MSI2: variants seen among roughly 807,000 people sequenced by gnomAD.
MSI2 encodes RNA-binding protein Musashi homolog 2.
In MSI2, 17 loss-of-function variants were observed where a neutral mutation model predicts 45.6. That is an observed-to-expected ratio of 0.37 (90% CI 0.26 to 0.56). The LOEUF is 0.56. MSI2 is among the 20% of genes least tolerant of loss of function. MSI2 has a pLI of 0.77. For synonymous variants in MSI2, 156 were observed against 158.2 expected (o/e 0.99, Z 0.11); for missense variants, 293 against 444.2 (o/e 0.66, Z 3.06).
rs537164156 is a variant in MSI2, at chr17:57,552,467, T to C, written c.454+22743T>C. Among the ~76,000 whole-genome samples the C allele has an allele frequency of 6.6e-6, 1 of 152,212 alleles. No individual in the cohort carries two copies. Among genetic ancestry groups the C allele is most frequent in the South Asian group, 2.1e-4 (1 of 4,818 alleles). ...GGCACGCTCTAGCCTAGGCCTGAAG[T>C]AGCAGGGCCAGACGCTAGGTGTCGC... On this transcript the variant is annotated intron_variant, in intron 7 of 13. Transcript: ENST00000284073. The surrounding 1 kb of genome is among the most constrained non-coding windows in gnomAD (Gnocchi z 4.3).
intron 5 of MSI2, among the ~76,000 whole-genome samples, chr17:57,380,200 A>C (rs1231529336): frequency 6.6e-6 from 1 of 152,114 alleles, no homozygotes; most frequent in Non-Finnish European, 1.5e-5. Flanking sequence ...GTCTTTGTGG[A>C]GCCACCCACA....
intron 5 of MSI2, among the ~76,000 whole-genome samples, chr17:57,324,166 T>C (rs1406426236): frequency 6.6e-6 from 1 of 152,164 alleles, no homozygotes; most frequent in African/African-American, 2.4e-5. Context: ...ACAATTTTTT[T>C]CCCTCATTTT....
At chr17:57,290,448 A>ACAG (rs1910306535) in intron 5 of MSI2, among the ~76,000 whole-genome samples, 1 of 152,180 alleles carries the variant, frequency 6.6e-6, no homozygotes, top group African/African-American at 2.4e-5. Context: ...TATTGGCACT[A>ACAG]CAGGCACATG....
rs550070769 is a variant in MSI2, at chr17:57,347,128, TG to T, written c.313-54250del. On this transcript the variant is annotated intron_variant, in intron 5 of 13. Transcript: ENST00000284073. Reference sequence around the variant, plus strand: ...AATAGAAAATTTCCCAGCACTCTACTGTAGTGACTTCTTAATTAAGCAGCTA... The same window carrying T: ...AATAGAAAATTTCCCAGCACTCTACTTAGTGACTTCTTAATTAAGCAGCTA... 3.6e-3 allele frequency among the ~76,000 whole-genome samples: 554 copies of T among 152,318 alleles called. 4 individuals carry two copies. Among genetic ancestry groups the T allele is most frequent in the African/African-American group, 0.013 (528 of 41,558 alleles).
At chr17:57,470,408 G>A (rs988086728) in intron 6 of MSI2, among the ~76,000 whole-genome samples, 11 of 152,260 alleles carry the variant, frequency 7.2e-5, no homozygotes, top group African/African-American at 2.4e-4. Context: ...TTCCCAAGTA[G>A]CTGGGACTAC....
intron 6 of MSI2, chr17:57,449,543 G>C (rs2084957490): frequency 6.6e-6 from 1 of 152,054 alleles, no homozygotes; most frequent in Non-Finnish European, 1.5e-5. Context: ...TTTTCCCCAA[G>C]GCTTGATCGT....
intron 5 of MSI2, among the ~76,000 whole-genome samples, chr17:57,367,480 T>C (rs1917277827): frequency 6.6e-6 from 1 of 152,180 alleles, no homozygotes; most frequent in Non-Finnish European, 1.5e-5. Flanking sequence ...GGCTGAGGAT[T>C]CAGGAAGACT....
At chr17:57,674,273 A>AG (rs201099133) in intron 11 of MSI2, among the ~76,000 whole-genome samples, 288 of 2,822 alleles carry the variant, frequency 0.1, 3 homozygotes, top group Non-Finnish European at 0.14. Context: ...GCCAGTGGGG[A>AG]GGGGCGGGTG....
At chr17:57,427,225 T>G (rs2084509280) in intron 6 of MSI2, among the ~76,000 whole-genome samples, 1 of 151,960 alleles carries the variant, frequency 6.6e-6, no homozygotes, top group South Asian at 2.1e-4. Flanking sequence ...GGTGAAACCC[T>G]GTCTCTAATA....
In MSI2 at chr17:57,679,706, G is replaced by A. The variant is rs938191269; in HGVS notation, c.*189G>A. On this transcript the variant is annotated 3_prime_UTR_variant, in exon 14 of 14. Coordinates refer to ENST00000284073, the MANE Select transcript of MSI2 (RefSeq NM_138962.4). ...GGTTGACTACATCTCATCATCTCAC[G>A]AATCTGCTGTAATATAAGACAACAG... The A allele has an allele frequency of 1.4e-5, 9 of 628,634 alleles. No individual in the cohort carries two copies. The highest frequency in any genetic ancestry group is 7.6e-5 in the African/African-American group (4 of 52,612). The allele number at this position is 628,634 out of a possible 1,614,324, so 38.9% of individuals were successfully genotyped here.
chr17:57,447,861 CAG>C (rs1004379431), intron 6 of MSI2, among the ~76,000 whole-genome samples: 3 of 152,162 alleles, frequency 2.0e-5, no homozygotes, highest in Non-Finnish European at 2.9e-5. Context: ...TGAACCATGA[CAG>C]GGGTGGAGAA....
At chr17:57,414,785 G>A (rs1434560434) in intron 6 of MSI2, among the ~76,000 whole-genome samples, 1 of 152,014 alleles carries the variant, frequency 6.6e-6, no homozygotes, top group Non-Finnish European at 1.5e-5. Context: ...TTATTTCCCT[G>A]CATCCTAGGA....
chr17:57,617,090 A>G (rs1907786478), intron 9 of MSI2, among the ~76,000 whole-genome samples: 1 of 152,240 alleles, frequency 6.6e-6, no homozygotes, highest in African/African-American at 2.4e-5. Context: ...TAAATTTATA[A>G]AACATCTTGT....
At chr17:57,678,038 C>T (rs1913356289) in intron 13 of MSI2, among the ~76,000 whole-genome samples, 1 of 152,180 alleles carries the variant, frequency 6.6e-6, no homozygotes, top group Non-Finnish European at 1.5e-5. Flanking sequence ...CACAGAGGCA[C>T]CAAAGCCTTT....
intron 5 of MSI2, chr17:57,278,238 A>G (rs7221821): frequency 0.14 from 21,860 of 152,454 alleles, 1,805 homozygotes; most frequent in African/African-American, 0.22. Context: ...TGAGCTCCAT[A>G]GATTGACATT....
chr17:57,406,878 C>T (rs1285478346), intron 6 of MSI2: 1 of 152,242 alleles, frequency 6.6e-6, no homozygotes, highest in Non-Finnish European at 1.5e-5. Flanking sequence ...CATGTCCCTT[C>T]TGGGCCAGTG....
At chr17:57,461,703 T>G (rs2085233752) in intron 6 of MSI2, among the ~76,000 whole-genome samples, 1 of 151,962 alleles carries the variant, frequency 6.6e-6, no homozygotes, top group African/African-American at 2.4e-5. Context: ...ACCGGCTAAT[T>G]TTTGTATTTT....
At chr17:57,558,367 G>T (rs1357092738) in intron 7 of MSI2, among the ~76,000 whole-genome samples, 1 of 152,122 alleles carries the variant, frequency 6.6e-6, no homozygotes, top group East Asian at 1.9e-4. Context: ...AACAAAGAGG[G>T]TCGGTTCCCC....
intron 6 of MSI2, among the ~76,000 whole-genome samples, chr17:57,455,440 G>A (rs141272325): frequency 5.9e-5 from 9 of 152,212 alleles, no homozygotes; most frequent in South Asian, 4.2e-4. Flanking sequence ...CTGTGCAGCC[G>A]CTTGTGTTTT....
Sources: gnomAD v4.1 joint callset for allele counts (sites outside exome capture counted in the v4.1 genomes callset) on GRCh38, gnomAD v4.1.1 for gene constraint, Gnocchi (gnomAD v3.1) non-coding constraint, MANE v1.5 for transcripts, NCBI Gene and HGNC (gene_info 2026-07-23, HGNC 2026-07-21) for gene names.